Variants in ADAM32 observed in about 807,000 individuals in gnomAD.
ADAM32 encodes ADAM metallopeptidase domain 32.
In ADAM32, 89 loss-of-function variants were observed where a neutral mutation model predicts 114.9. The observed-to-expected ratio is 0.77, with a 90% CI of 0.65 to 0.92. The LOEUF is 0.92. ADAM32 is among the 40% of genes least tolerant of loss of function. The pLI is 0.00. For synonymous variants in ADAM32, 285 were observed against 307.5 expected, an observed-to-expected ratio of 0.93 and a Z score of 0.77; for missense variants, 870 against 932.8, an observed-to-expected ratio of 0.93 and a Z score of 0.88.
At chr8:39,251,140 G>A (rs549065378) in intron 17 of ADAM32, among the ~76,000 whole-genome samples, 171 of 152,018 alleles carry the variant, frequency 1.1e-3, no homozygotes, top group Admixed American at 3.4e-3. Context: ...ACATGGGAAT[G>A]CAGATAGCAT....
At chr8:39,231,991 A>C (rs747355577) in intron 14 of ADAM32, 36 bp from the exon 15 acceptor site, 1 of 1,498,508 alleles carries the variant, frequency 6.7e-7, no homozygotes, top group African/African-American at 1.4e-5. Flanking sequence ...AAAACCAATA[A>C]ACATTTTAAT....
chr8:39,221,288 A>G lies in ADAM32; in HGVS notation c.1234-322A>G, dbSNP rs375776911. 57 of 190,872 alleles carry G rather than the reference A, an allele frequency of 3.0e-4. No individual in the cohort carries two copies. The East Asian group carries it at 5.9e-3, about 20-fold the overall frequency. 11.8% of individuals were successfully genotyped at this position (190,872 alleles called of 1,614,324 possible). A position where few individuals can be genotyped will look rare whatever the true frequency, so the allele number is the denominator to read the frequency against. On this transcript the variant is annotated intron_variant, in intron 12 of 24. Coordinates refer to ENST00000379907, the MANE Select transcript of ADAM32 (RefSeq NM_145004.7). ...TTTTCCATGCCTTTATTTTCAGTCT[A>G]TGTGTCTTCATACATGATGTATTTT...
chr8:39,272,101 G>GAAAAA (rs11366445), intron 20 of ADAM32, among the ~76,000 whole-genome samples: 22 of 65,782 alleles, frequency 3.3e-4, no homozygotes, highest in Admixed American at 7.1e-4. Context: ...GTGAGCTCCA[G>GAAAAA]AAAAAAAAAA....
intron 3 of ADAM32, among the ~76,000 whole-genome samples, chr8:39,137,080 G>A (rs1441986073): frequency 6.6e-6 from 1 of 152,204 alleles, no homozygotes; most frequent in Non-Finnish European, 1.5e-5. Context: ...TGAGTAATAT[G>A]GGACAGGGAT....
intron 2 of ADAM32, among the ~76,000 whole-genome samples, chr8:39,128,376 A>G (rs925450471): frequency 6.6e-6 from 1 of 151,642 alleles, no homozygotes; most frequent in Non-Finnish European, 1.5e-5. Context: ...TGCTTGGTAA[A>G]TTTTCCTCCA....
intron 14 of ADAM32, chr8:39,223,450 A>C (rs1367910770): frequency 7.5e-6 from 2 of 265,760 alleles, no homozygotes; most frequent in Admixed American, 5.2e-5. Context: ...ATGTATAAGC[A>C]AACATATACG....
chr8:39,256,243 A>C (rs372716898), intron 18 of ADAM32, among the ~76,000 whole-genome samples: 1 of 151,860 alleles, frequency 6.6e-6, no homozygotes, highest in Admixed American at 6.6e-5. Flanking sequence ...CTCTTTACTG[A>C]TATCATTGAC....
chr8:39,145,478 G>T (rs1803451592), intron 3 of ADAM32, among the ~76,000 whole-genome samples: 1 of 152,090 alleles, frequency 6.6e-6, no homozygotes, highest in Non-Finnish European at 1.5e-5. Context: ...CTATACAGGT[G>T]GGGGTGAATG....
At chr8:39,255,902 A>G (rs1020388978) in intron 18 of ADAM32, among the ~76,000 whole-genome samples, 7 of 152,020 alleles carry the variant, frequency 4.6e-5, no homozygotes, top group African/African-American at 1.7e-4. Context: ...TGATGTTTGT[A>G]TAAGGTGAGA....
chr8:39,203,755 T>A (rs1247973950), intron 11 of ADAM32, among the ~76,000 whole-genome samples: 2 of 152,236 alleles, frequency 1.3e-5, no homozygotes, highest in African/African-American at 4.8e-5. Context: ...GTCATGTTTT[T>A]GCAGTGGCTG....
intron 2 of ADAM32, among the ~76,000 whole-genome samples, chr8:39,132,690 C>T (rs190480497): frequency 2.6e-5 from 4 of 152,118 alleles, no homozygotes; most frequent in Admixed American, 2.0e-4. Flanking sequence ...TCTTGTAAGA[C>T]AGGACTTTAT....
chr8:39,207,654 T>C (rs925423647), intron 11 of ADAM32, among the ~76,000 whole-genome samples: 2 of 152,334 alleles, frequency 1.3e-5, no homozygotes, highest in East Asian at 3.9e-4. Flanking sequence ...CCAGAACTTA[T>C]TCTTCCTGTT....
At chr8:39,282,237 G>A (rs1431383509) in intron 23 of ADAM32, among the ~76,000 whole-genome samples, 2 of 152,100 alleles carry the variant, frequency 1.3e-5, no homozygotes, top group African/African-American at 4.8e-5. Flanking sequence ...TCAAGTCCAT[G>A]TTTATTTTCC....
intron 19 of ADAM32, among the ~76,000 whole-genome samples, chr8:39,267,121 T>C (rs1374687733): frequency 6.6e-6 from 1 of 152,184 alleles, no homozygotes; most frequent in African/African-American, 2.4e-5. Context: ...TCCATGTATA[T>C]GTGCGTGCAG....
At chr8:39,182,335 G>A (rs1049645963) in intron 10 of ADAM32, among the ~76,000 whole-genome samples, 11 of 152,072 alleles carry the variant, frequency 7.2e-5, no homozygotes, top group African/African-American at 2.7e-4. Flanking sequence ...AAGGAACAAA[G>A]ATTCATGACT....
At chr8:39,159,918 A>C (rs1042095219) in intron 6 of ADAM32, among the ~76,000 whole-genome samples, 1 of 152,180 alleles carries the variant, frequency 6.6e-6, no homozygotes, top group Non-Finnish European at 1.5e-5. Context: ...GGGTCAGTTC[A>C]AGGACCACAA....
chr8:39,176,022 T>C (rs1394792941), intron 10 of ADAM32, among the ~76,000 whole-genome samples: 1 of 152,204 alleles, frequency 6.6e-6, no homozygotes, highest in Non-Finnish European at 1.5e-5. Context: ...GTGGGTTCAG[T>C]GGTGATATCC....
At chr8:39,183,880 C>T (rs1013397309) in intron 10 of ADAM32, among the ~76,000 whole-genome samples, 12 of 152,308 alleles carry the variant, frequency 7.9e-5, no homozygotes, top group Middle Eastern at 3.4e-3. Flanking sequence ...ACTCTTTAAG[C>T]GCAGGAATGT....
In ADAM32 at chr8:39,160,519, G is replaced by A. The variant is rs929164729; in HGVS notation, c.526-378G>A. The stretch of plus-strand genomic sequence containing the variant: ...CGCGCCACTGCACTATAGCCTGGGC[G>A]ACAGAGCGAGACTCCATCTCAAAAA... On this transcript the variant is annotated intron_variant, in intron 6 of 24. Transcript: ENST00000379907. Among the ~76,000 whole-genome samples the A allele has an allele frequency of 1.4e-4, 19 of 132,710 alleles. No homozygotes were observed. In the East Asian group the frequency reaches 3.8e-3, roughly 27 times the overall value. 87.1% of individuals were successfully genotyped at this position (132,710 alleles called of 152,430 possible).
Sources: gnomAD v4.1 joint callset for allele counts (sites outside exome capture counted in the v4.1 genomes callset) on GRCh38, gnomAD v4.1.1 for gene constraint, MANE v1.5 for transcripts, NCBI Gene and HGNC (gene_info 2026-07-23, HGNC 2026-07-21) for gene names.